REDIC1: variants seen among roughly 807,000 people sequenced by gnomAD.
The protein encoded by REDIC1 is HEI10 Interacting Protein 1.
the REDIC1 span, chr12:39,716,751 T>C: frequency 6.3e-7 from 1 of 1,591,330 alleles, no homozygotes. Context: ...AACCTTTATT[T>C]TCAGCTCTTG....
At chr12:39,856,193 T>C in the REDIC1 span, among the ~76,000 whole-genome samples, 18 of 152,004 alleles carry the variant, frequency 1.2e-4, no homozygotes, top group Admixed American at 2.6e-4. Flanking sequence ...GTCAGCACCA[T>C]CTACCTTCTC....
the REDIC1 span, among the ~76,000 whole-genome samples, chr12:39,655,075 T>C: frequency 4.6e-5 from 7 of 152,324 alleles, no homozygotes; most frequent in South Asian, 1.4e-3. Context: ...TTGGTGTTTA[T>C]ATCACTTCTT....
At chr12:39,696,731 ATAAT>A in the REDIC1 span, among the ~76,000 whole-genome samples, 2 of 152,046 alleles carry the variant, frequency 1.3e-5, no homozygotes, top group Non-Finnish European at 2.9e-5. Context: ...AGAGATTGAA[ATAAT>A]TAAAAAGAAT....
At chr12:39,854,470 C>T in the REDIC1 span, among the ~76,000 whole-genome samples, 1 of 152,168 alleles carries the variant, frequency 6.6e-6, no homozygotes, top group Non-Finnish European at 1.5e-5. Context: ...GAACTGCCTG[C>T]CCAAACGCCT....
At chr12:39,880,406 CCT>C in the REDIC1 span, among the ~76,000 whole-genome samples, 1 of 152,012 alleles carries the variant, frequency 6.6e-6, no homozygotes, top group African/African-American at 2.4e-5. Flanking sequence ...ACTGAGAAAT[CCT>C]CTTTGTACAT....
chr12:39,767,311 C>T, the REDIC1 span, among the ~76,000 whole-genome samples: 147,103 of 150,324 alleles, frequency 0.98, 71,983 homozygotes, highest in East Asian at 1. Context: ...TCTTTTTTTT[C>T]TTTTCCTGAG....
chr12:39,692,102 T>G, the REDIC1 span: 1 of 1,573,286 alleles, frequency 6.4e-7, no homozygotes, highest in Non-Finnish European at 8.7e-7. Context: ...GAATATCTAC[T>G]AAGAAAATCT....
At chr12:39,666,948 C>A in the REDIC1 span, among the ~76,000 whole-genome samples, 3 of 151,540 alleles carry the variant, frequency 2.0e-5, no homozygotes, top group Admixed American at 2.0e-4. Context: ...CTATTTGATT[C>A]TTCTCTCTTT....
chr12:39,760,330 CT>C, the REDIC1 span: 181 of 1,330,390 alleles, frequency 1.4e-4, no homozygotes, highest in Admixed American at 2.8e-4. Flanking sequence ...TTGATTTTGA[CT>C]TTTTTTTTCT....
At chr12:39,818,831 T>C in the REDIC1 span, among the ~76,000 whole-genome samples, 1 of 152,178 alleles carries the variant, frequency 6.6e-6, no homozygotes, top group South Asian at 2.1e-4. Flanking sequence ...AATATTGTTA[T>C]AAGTATAAAA....
the REDIC1 span, among the ~76,000 whole-genome samples, chr12:39,812,335 CTT>C: frequency 2.7e-5 from 3 of 110,410 alleles, no homozygotes; most frequent in African/African-American, 4.0e-5. Flanking sequence ...GGACTAATTT[CTT>C]TTTTCTTTTC....
chr12:39,811,642 A>G, the REDIC1 span, among the ~76,000 whole-genome samples: 3 of 152,136 alleles, frequency 2.0e-5, no homozygotes, highest in African/African-American at 4.8e-5. Flanking sequence ...ACTGATTTCT[A>G]AGAAGCTCTA....
chr12:39,900,427 A>G, the REDIC1 span, among the ~76,000 whole-genome samples: 5 of 152,258 alleles, frequency 3.3e-5, no homozygotes, highest in East Asian at 9.6e-4. Flanking sequence ...ATGATCGTAT[A>G]TCTAGAAAAC....
the REDIC1 span, among the ~76,000 whole-genome samples, chr12:39,801,678 A>G: frequency 6.6e-6 from 1 of 152,224 alleles, no homozygotes; most frequent in Non-Finnish European, 1.5e-5. Flanking sequence ...TCTGCCACTT[A>G]ACTGGTTTTC....
chr12:39,646,403 C>T, the REDIC1 span: 6 of 1,483,320 alleles, frequency 4.0e-6, no homozygotes, highest in African/African-American at 2.9e-5. Context: ...TAATTTAGAA[C>T]TTACAATGTC....
At chr12:39,671,440 C>T in the REDIC1 span, among the ~76,000 whole-genome samples, 1 of 152,160 alleles carries the variant, frequency 6.6e-6, no homozygotes, top group African/African-American at 2.4e-5. Flanking sequence ...TGTGCCTGTT[C>T]TTGGATTTCT....
chr12:39,883,744 T>A, the REDIC1 span, among the ~76,000 whole-genome samples: 1 of 152,146 alleles, frequency 6.6e-6, no homozygotes, highest in South Asian at 2.1e-4. Flanking sequence ...TAGAGCTTGG[T>A]CACAAAAATG....
the REDIC1 span, among the ~76,000 whole-genome samples, chr12:39,825,371 T>C: frequency 1.3e-5 from 2 of 152,126 alleles, no homozygotes; most frequent in African/African-American, 4.8e-5. Flanking sequence ...AACTTAGAAA[T>C]TGGAAACTAT....
At chr12:39,768,037 A>G in the REDIC1 span, among the ~76,000 whole-genome samples, 518 of 152,212 alleles carry the variant, frequency 3.4e-3, 7 homozygotes, top group African/African-American at 0.012. Flanking sequence ...TTTATTAGTT[A>G]TCTTAGGTAG....
Sources: gnomAD v4.1 joint callset for allele counts (sites outside exome capture counted in the v4.1 genomes callset) on GRCh38, gnomAD v4.1.1 for gene constraint, MANE v1.5 for transcripts, NCBI Gene and HGNC (gene_info 2026-07-23, HGNC 2026-07-21) for gene names.